XPO5: variants seen among roughly 807,000 people sequenced by gnomAD.
The protein encoded by XPO5 is exportin 5.
A neutral mutation model predicts 160.6 loss-of-function variants in XPO5; 46 were observed. That is an observed-to-expected ratio of 0.29 (90% CI 0.23 to 0.37). The LOEUF is 0.37. Among genes scored for constraint, XPO5 ranks in the 10% least tolerant of loss-of-function variants. XPO5 has a pLI of 1.00. For synonymous variants in XPO5, 537 were observed against 519.3 expected, an observed-to-expected ratio of 1.03 and a Z score of -0.46; for missense variants, 1,090 against 1,463.9, an observed-to-expected ratio of 0.74 and a Z score of 4.17.
At chr6:43,570,046 C>A (rs775012133) in intron 5 of XPO5, among the ~76,000 whole-genome samples, 1 of 135,778 alleles carries the variant, frequency 7.4e-6, no homozygotes, top group Non-Finnish European at 1.5e-5. Context: ...AGGCCAGGTG[C>A]CGTGGCTCAC....
At position 43,524,025 on chromosome 6, in the gene XPO5, AAG is replaced by A; in HGVS notation, c.3478-22_3478-21del. ...GGGTTTCTGTGGAAAACAAATGAGA[AAG>A]AATTAATGCTGGGCCCTCAGTAGTA... On this transcript the variant is annotated intron_variant, in intron 31 of 31. Coordinates refer to ENST00000265351, the MANE Select transcript of XPO5 (RefSeq NM_020750.3). 6.2e-7 allele frequency: 1 copy of A among 1,608,738 alleles called. No individual in the cohort carries two copies. Among genetic ancestry groups the A allele is most frequent in the Non-Finnish European group, 8.5e-7 (1 of 1,179,504 alleles).
At chr6:43,533,324 G>A (rs1794120782) in intron 21 of XPO5, 1 of 151,346 alleles carries the variant, frequency 6.6e-6, no homozygotes, top group African/African-American at 2.4e-5. Flanking sequence ...ATTTATAATT[G>A]AATGGCTGTA....
chr6:43,565,257 T>C (rs1475480382), intron 8 of XPO5, among the ~76,000 whole-genome samples: 2 of 152,046 alleles, frequency 1.3e-5, no homozygotes, highest in African/African-American at 2.4e-5. Context: ...CACTGTCGAT[T>C]GACAGCTAGC....
rs1763294820 is a variant in XPO5, at chr6:43,575,895, A to T, written c.-31T>A. On this transcript the variant is annotated 5_prime_UTR_variant, in exon 1 of 32. Coordinates refer to ENST00000265351, the MANE Select transcript of XPO5 (RefSeq NM_020750.3). ...GCGCCACGCGCCGAGAGCGCACACC[A>T]CTGCAGTCCCGGGACCACGAGGCAC... The T allele has an allele frequency of 6.2e-7, 1 of 1,604,626 alleles. No individual in the cohort carries two copies. The highest frequency in any genetic ancestry group is 8.5e-7 in the Non-Finnish European group (1 of 1,173,348).
Position 43,573,495 on chromosome 6 carries a change from AG to A in XPO5, c.211del (p.Leu71TrpfsTer20). The A allele has an allele frequency of 6.2e-7, 1 of 1,613,446 alleles. No homozygotes were observed. The highest frequency in any genetic ancestry group is 8.5e-7 in the Non-Finnish European group (1 of 1,179,522). On this transcript the variant is annotated frameshift_variant, in exon 2 of 32. Transcript: ENST00000265351. LOFTEE classifies it high-confidence loss of function. ...AIVRHFGLQILEHVVKFRWNG... is the reference protein window; with the variant it reads ...AIVRHFGLQIXEHVVKFRWNG... The stretch of plus-strand genomic sequence containing the variant: ...AGCTCCTTACTTGACAACGTGTTCC[AG>A]GATCTGAAGGCCAAAATGTCTGACG...
intron 19 of XPO5, chr6:43,547,375 G>A: frequency 3.3e-6 from 2 of 605,100 alleles, no homozygotes; most frequent in South Asian, 1.6e-5. Context: ...GAGCTATTTA[G>A]AGATCCTTAA....
intron 14 of XPO5, 49 bp from the exon 15 acceptor site, chr6:43,551,502 A>G (rs767914427): frequency 1.3e-6 from 2 of 1,597,072 alleles, no homozygotes; most frequent in Non-Finnish European, 1.7e-6. Context: ...TCCACTTAGA[A>G]ATAACCATTT....
chr6:43,527,664 T>C lies in XPO5; in HGVS notation c.2890A>G (p.Met964Val), dbSNP rs1793685416. ...AGGTCCATGACTTCTCGGGTTAACA[T>C]CCTCACCAGTTGCTCCTCCAGCATC... The part of the protein sequence containing the change: ...QEMLEEQLVR[M>V]LTREVMDLIT... Residue 964 changes from methionine to valine, a missense_variant, in exon 26 of 32, where the codon ATG (methionine) becomes GTG (valine). This residue lies in a region of XPO5 where 810 missense variants were observed against 1,139.0 expected (regional missense o/e 0.71). Transcript: ENST00000265351. 6.2e-7 allele frequency: 1 copy of C among 1,613,966 alleles called. No homozygotes were observed. The highest frequency in any genetic ancestry group is 8.5e-7 in the Non-Finnish European group (1 of 1,179,892).
intron 20 of XPO5, 46 bp from the exon 21 acceptor site, chr6:43,534,053 A>T: frequency 4.1e-6 from 6 of 1,453,990 alleles, no homozygotes; most frequent in African/African-American, 1.4e-5. Context: ...CTGATGCAGA[A>T]GGAAAGAGTG....
At chr6:43,538,684 A>T in intron 20 of XPO5, 1 of 420,544 alleles carries the variant, frequency 2.4e-6, no homozygotes, top group Non-Finnish European at 4.1e-6. Flanking sequence ...TTAGGCCTAT[A>T]ATTTTCCTCT....
intron 15 of XPO5, 22 bp from the exon 16 acceptor site, chr6:43,549,956 GGTCACTCAT>G (rs1582224499): frequency 6.2e-7 from 1 of 1,610,064 alleles, no homozygotes; most frequent in African/African-American, 1.3e-5. Context: ...GAGGAAAAAA[GGTCACTCAT>G]GTTTATTTGT....
chr6:43,538,139 C>CTTTTTTTTTTTTT lies in XPO5; in HGVS notation c.2343-4145_2343-4133dup, dbSNP rs1160662301. Among the ~76,000 whole-genome samples, 4 of 48,938 alleles carry CTTTTTTTTTTTTT rather than the reference C, an allele frequency of 8.2e-5. 1 individual carries two copies. The highest frequency in any genetic ancestry group is 3.3e-4 in the African/African-American group (4 of 12,110). 32.1% of individuals were successfully genotyped at this position (48,938 alleles called of 152,430 possible). On this transcript the variant is annotated intron_variant, in intron 20 of 31. Transcript: ENST00000265351. Reference sequence around the variant, plus strand: ...TATAAATTTAGAGCCTAAGAGACATCTTTTTTTTTTTTTTTTTTTTTTTTT... The same window carrying CTTTTTTTTTTTTT: ...TATAAATTTAGAGCCTAAGAGACATCTTTTTTTTTTTTTTTTTTTTTTTTTTTTTTTTTTTTTT...
intron 13 of XPO5, chr6:43,555,273 T>C (rs1387262497): frequency 2.0e-5 from 3 of 152,842 alleles, no homozygotes; most frequent in Non-Finnish European, 4.4e-5. Flanking sequence ...CACACACATA[T>C]AGCATGCATT....
rs781757759 is a variant in XPO5, at chr6:43,548,364, C to T, written c.1957G>A (p.Val653Ile). The T allele has an allele frequency of 8.1e-6, 13 of 1,613,542 alleles. No homozygotes were observed. Among genetic ancestry groups the T allele is most frequent in the African/African-American group, 1.3e-5 (1 of 74,880 alleles). ...MEKCALMEAL[V>I]LISNQFKNYE... is the part of the protein sequence containing the mutation. ...TTCTTAAATTGGTTGCTAATGAGAA[C>T]CAGGGCTTCCATGAGGGCACACTTC... Residue 653 changes from valine (V) to isoleucine (I), a missense_variant, in exon 18 of 32, where the codon GTT becomes ATT. Physicochemically the swap from Val to Ile is conservative, Grantham distance 29. Around this residue, in one of 3 missense-constraint regions of XPO5, gnomAD observed 810 missense variants for 1,139.0 expected, o/e 0.71. Coordinates refer to ENST00000265351, the MANE Select transcript of XPO5 (RefSeq NM_020750.3).
chr6:43,565,667 C>T lies in XPO5; in HGVS notation c.904G>A (p.Ala302Thr), dbSNP rs1192488174. 4 of 1,605,820 alleles carry T rather than the reference C, an allele frequency of 2.5e-6. No individual in the cohort carries two copies. The highest frequency in any genetic ancestry group is 3.4e-6 in the Non-Finnish European group (4 of 1,176,386). Residue 302 changes from alanine (A) to threonine (T), a missense_variant, in exon 8 of 32, where the codon GCC becomes ACC. Ala to Thr is a moderately conservative substitution (Grantham distance 58). This residue lies in a region of XPO5 where 810 missense variants were observed against 1,139.0 expected (regional missense o/e 0.71). Transcript: ENST00000265351. ...GDVAMHYILS[A>T]AQTADGGGLV... ...AAAAGTAAAGATACTCACTGTGCGGCGGAGAGTATATAATGCATGGCAACA... is the reference window on the plus strand; with the variant it reads ...AAAAGTAAAGATACTCACTGTGCGGTGGAGAGTATATAATGCATGGCAACA...
intron 24 of XPO5, 30 bp downstream of exon 24, chr6:43,528,798 T>G (rs761209381): frequency 3.5e-5 from 56 of 1,603,250 alleles, no homozygotes; most frequent in Non-Finnish European, 4.6e-5. Flanking sequence ...AATAGTACTC[T>G]TTGCTTCCTG....
intron 17 of XPO5, among the ~76,000 whole-genome samples, chr6:43,548,986 A>G (rs1453981958): frequency 1.3e-5 from 2 of 152,222 alleles, no homozygotes; most frequent in Non-Finnish European, 2.9e-5. Flanking sequence ...AACTATTTGT[A>G]TTTTGAAGAG....
chr6:43,524,045 C>G, intron 31 of XPO5, 40 bp from the exon 32 acceptor site: 1 of 1,599,208 alleles, frequency 6.3e-7, no homozygotes, highest in Non-Finnish European at 8.5e-7. Flanking sequence ...GCTGGGCCCT[C>G]AGTAGTAGTT....
intron 12 of XPO5, among the ~76,000 whole-genome samples, chr6:43,556,802 G>C (rs1762113447): frequency 6.6e-6 from 1 of 152,118 alleles, no homozygotes; most frequent in Non-Finnish European, 1.5e-5. Context: ...ATGAGTAAAT[G>C]TGGTATATCC....
Sources: gnomAD v4.1 joint callset for allele counts (sites outside exome capture counted in the v4.1 genomes callset) on GRCh38, gnomAD v4.1.1 for gene constraint, gnomAD v4.1.1 regional missense constraint, MANE v1.5 for transcripts, NCBI Gene and HGNC (gene_info 2026-07-23, HGNC 2026-07-21) for gene names.